IDH3A: variants seen among roughly 807,000 people sequenced by gnomAD.
IDH3A encodes the protein isocitrate dehydrogenase (NAD(+)) 3 catalytic subunit alpha.
In IDH3A, 23 loss-of-function variants were observed where a neutral mutation model predicts 43.3. The observed-to-expected ratio is 0.53, with a 90% CI of 0.38 to 0.75. The LOEUF (loss-of-function observed/expected upper bound fraction) is 0.75. Ranked by LOEUF, IDH3A falls within the 30% of genes least tolerant of loss-of-function variation. The pLI is 0.00. For synonymous variants in IDH3A, 154 were observed against 163.5 expected, an observed-to-expected ratio of 0.94 and a Z score of 0.44; for missense variants, 329 against 474.4, an observed-to-expected ratio of 0.69 and a Z score of 2.85.
At position 78,171,200 on chromosome 15, in the gene IDH3A, T is replaced by C. The variant is rs1034155964; in HGVS notation, c.*2195T>C. On this transcript the variant is annotated 3_prime_UTR_variant, in exon 11 of 11. Coordinates refer to ENST00000299518, the MANE Select transcript of IDH3A (RefSeq NM_005530.3). Reference sequence around the variant, plus strand: ...GTTCTGGAAGGAGAGCTGATCTCATTTGTCACCTGAACAAAAAGCAATACT... The same window carrying C: ...GTTCTGGAAGGAGAGCTGATCTCATCTGTCACCTGAACAAAAAGCAATACT... 15 of 361,076 alleles carry C rather than the reference T, an allele frequency of 4.2e-5. No homozygotes were observed. The highest frequency in any genetic ancestry group is 1.9e-4 in the African/African-American group (9 of 48,320). The allele number at this position is 361,076 out of a possible 1,614,324, so 22.4% of individuals were successfully genotyped here.
chr15:78,162,500 A>C (rs546528516), intron 6 of IDH3A, 133 bp downstream of exon 6: 1 of 911,584 alleles, frequency 1.1e-6, no homozygotes, highest in East Asian at 2.6e-5. Flanking sequence ...AACAATCCAA[A>C]GATACGGCAT....
chr15:78,151,439 G>C (rs1421602077), intron 1 of IDH3A: 4 of 152,192 alleles, frequency 2.6e-5, no homozygotes, highest in Non-Finnish European at 4.4e-5. Context: ...TGCTGGGCGT[G>C]GTGGCGCACG....
intron 3 of IDH3A, among the ~76,000 whole-genome samples, chr15:78,158,817 CTTTATTT>C (rs1567070066): frequency 6.6e-6 from 1 of 151,182 alleles, no homozygotes; most frequent in East Asian, 1.9e-4. Context: ...ATCATTCATC[CTTTATTT>C]TTTATTTTTA....
chr15:78,149,674 G>A (rs926483584), intron 1 of IDH3A, among the ~76,000 whole-genome samples: 1 of 152,132 alleles, frequency 6.6e-6, no homozygotes, highest in South Asian at 2.1e-4. Flanking sequence ...AGGTCAAGGC[G>A]GGGGGGCGCC....
rs1286839583 is a variant in IDH3A at position 78,161,405 on chromosome 15, CGCAGTTAATG to C, written c.290-175_290-166del. Among the ~76,000 whole-genome samples the C allele has an allele frequency of 6.6e-5, 10 of 152,200 alleles. No individual in the cohort carries two copies. Among genetic ancestry groups the C allele is most frequent in the Admixed American group, 5.9e-4 (9 of 15,282 alleles). ...CTCAGGAAGTTCTGAAGATAAGAAA[CGCAGTTAATG>C]TTCCAGAAAGCTCCCGTGAGGAAGT... On this transcript the variant is annotated intron_variant, in intron 4 of 10. Coordinates refer to ENST00000299518, the MANE Select transcript of IDH3A (RefSeq NM_005530.3). The surrounding 1 kb of genome is among the most constrained non-coding windows in gnomAD (Gnocchi z 4.8).
At chr15:78,162,113 A>T in intron 5 of IDH3A, 121 bp from the exon 6 acceptor site, 3 of 941,420 alleles carry the variant, frequency 3.2e-6, no homozygotes, top group Non-Finnish European at 3.3e-6. Context: ...GTGTGTGATT[A>T]GTCATGCTAG....
intron 9 of IDH3A, 66 bp downstream of exon 9, chr15:78,165,142 C>G: frequency 1.4e-5 from 13 of 952,410 alleles, no homozygotes; most frequent in Non-Finnish European, 2.1e-5. Flanking sequence ...GAGGAGTTAT[C>G]TGTATAAGTA....
chr15:78,159,251 A>G (rs2074657018), intron 3 of IDH3A, among the ~76,000 whole-genome samples: 1 of 152,120 alleles, frequency 6.6e-6, no homozygotes, highest in African/African-American at 2.4e-5. Flanking sequence ...AAGAAACCCC[A>G]TACCCTATGC....
chr15:78,169,991 C>A lies in IDH3A; in HGVS notation c.*986C>A, dbSNP rs557572186. The A allele has an allele frequency of 3.9e-5, 6 of 152,374 alleles. No homozygotes were observed. Among genetic ancestry groups the A allele is most frequent in the Middle Eastern group, 6.8e-3 (2 of 294 alleles). 9.4% of individuals were successfully genotyped at this position (152,374 alleles called of 1,614,324 possible). Reference sequence around the variant, plus strand: ...TATTAATTTTGTATTTCAGCAACTGCCCCTTCTCCTATCCCAAAGCACCAA... The same window carrying A: ...TATTAATTTTGTATTTCAGCAACTGACCCTTCTCCTATCCCAAAGCACCAA... On this transcript the variant is annotated 3_prime_UTR_variant, in exon 11 of 11. Coordinates refer to ENST00000299518, the MANE Select transcript of IDH3A (RefSeq NM_005530.3).
chr15:78,171,715 CTG>C lies in IDH3A; in HGVS notation c.*2714_*2715del. The stretch of plus-strand genomic sequence containing the variant: ...ATTCATATGGCTTGTGTGTAGTCTC[CTG>C]TGTTATACCACTGGTTGTGGCCAGT... On this transcript the variant is annotated 3_prime_UTR_variant, in exon 11 of 11. Coordinates refer to ENST00000299518, the MANE Select transcript of IDH3A (RefSeq NM_005530.3). 1.8e-6 allele frequency: 1 copy of C among 542,978 alleles called. No homozygotes were observed. Among genetic ancestry groups the C allele is most frequent in the Admixed American group, 3.1e-5 (1 of 32,456 alleles). The allele number at this position is 542,978 out of a possible 1,614,324, so 33.6% of individuals were successfully genotyped here.
Position 78,160,076 on chromosome 15 carries a change from G to A in IDH3A, c.175-16G>A, listed in dbSNP as rs1210507739. The A allele has an allele frequency of 2.7e-6, 4 of 1,466,934 alleles. No individual in the cohort carries two copies. In the South Asian group the frequency reaches 3.4e-5, roughly 12 times the overall value. 90.9% of individuals were successfully genotyped at this position (1,466,934 alleles called of 1,614,324 possible). On this transcript the variant is annotated splice_polypyrimidine_tract_variant and intron_variant, in intron 3 of 10. Transcript: ENST00000299518. The stretch of plus-strand genomic sequence containing the variant: ...AAGTCTCTCCAGCTCACTGTGCTCT[G>A]TGATGTGGCATCTAGGCACCTATTC...
chr15:78,169,352 G>C lies in IDH3A; in HGVS notation c.*347G>C, dbSNP rs1303979698. 6.0e-6 allele frequency: 1 copy of C among 166,914 alleles called. No homozygotes were observed. Among genetic ancestry groups the C allele is most frequent in the African/African-American group, 2.4e-5 (1 of 42,118 alleles). 10.3% of individuals were successfully genotyped at this position (166,914 alleles called of 1,614,324 possible). A position where few individuals can be genotyped will look rare whatever the true frequency, so the allele number is the denominator to read the frequency against. ...AAATAACAGGATACAGAATTAACAA[G>C]AGAAAATGTCTAACTTTTTAAGAAA... On this transcript the variant is annotated 3_prime_UTR_variant, in exon 11 of 11. Transcript: ENST00000299518.
chr15:78,171,360 C>G lies in IDH3A; in HGVS notation c.*2355C>G. On this transcript the variant is annotated 3_prime_UTR_variant, in exon 11 of 11. Coordinates refer to ENST00000299518, the MANE Select transcript of IDH3A (RefSeq NM_005530.3). ...AACAGACTTGGCAGAAATGCCTGTG[C>G]CCAGACTGAAGAGACCTGGGGCTCA... 1 of 1,171,764 alleles carries G rather than the reference C, an allele frequency of 8.5e-7. No individual in the cohort carries two copies. The highest frequency in any genetic ancestry group is 1.2e-6 in the Non-Finnish European group (1 of 803,876). The allele number at this position is 1,171,764 out of a possible 1,614,324, so 72.6% of individuals were successfully genotyped here. A position where few individuals can be genotyped will look rare whatever the true frequency, so the allele number is the denominator to read the frequency against.
chr15:78,151,377 A>T (rs2074573268), intron 1 of IDH3A: 1 of 152,176 alleles, frequency 6.6e-6, no homozygotes, highest in African/African-American at 2.4e-5. Context: ...GGAGTTCAAG[A>T]CCAGCCTGGC....
At chr15:78,166,514 A>T (rs1478292877) in intron 10 of IDH3A, 1 of 576,752 alleles carries the variant, frequency 1.7e-6, no homozygotes, top group African/African-American at 1.9e-5. Flanking sequence ...TTTCATCCAA[A>T]AAAAGTTAAG....
At chr15:78,155,368 C>A in intron 2 of IDH3A, 93 bp downstream of exon 2, 1 of 851,496 alleles carries the variant, frequency 1.2e-6, no homozygotes, top group Non-Finnish European at 1.8e-6. Flanking sequence ...TATCTCCATT[C>A]ATTTAGAATT....
rs529223207 is a variant in IDH3A, at chr15:78,149,367, C to G, written c.-37C>G. On this transcript the variant is annotated 5_prime_UTR_variant, in exon 1 of 11. Transcript: ENST00000299518. ...CGTGGGGTGGGCGCTTGCGCACTGC[C>G]GCTGCGGCTGTTGCTGCGGAGCCAG... 37 of 1,521,566 alleles carry G rather than the reference C, an allele frequency of 2.4e-5. No homozygotes were observed. In the African/African-American group the frequency reaches 5.0e-4, roughly 21 times the overall value. 94.3% of individuals were successfully genotyped at this position (1,521,566 alleles called of 1,614,324 possible).
intron 3 of IDH3A, among the ~76,000 whole-genome samples, chr15:78,158,483 T>C (rs1267394109): frequency 1.1e-5 from 1 of 88,606 alleles, no homozygotes; most frequent in Non-Finnish European, 2.6e-5. Flanking sequence ...TTTTTTTTTT[T>C]TTTTTTTTTT....
Position 78,165,014 on chromosome 15 carries a change from G to C in IDH3A, c.802G>C (p.Gly268Arg). Residue 268 changes from glycine (G) to arginine (R), a missense_variant, in exon 9 of 11, where the codon GGA (glycine) becomes CGA (arginine). This residue lies in a region of IDH3A where 212 missense variants were observed against 345.5 expected (regional missense o/e 0.61). Coordinates refer to ENST00000299518, the MANE Select transcript of IDH3A (RefSeq NM_005530.3). ...TAGTGACTTGTGTGCAGGATTGATC[G>C]GAGGTCTCGGTGTGACACCAAGTGG... Reference protein sequence around the residue: ...ILSDLCAGLIGGLGVTPSGNI... With the variant: ...ILSDLCAGLIRGLGVTPSGNI... 1 of 1,613,740 alleles carries C rather than the reference G, an allele frequency of 6.2e-7. No individual in the cohort carries two copies. Among genetic ancestry groups the C allele is most frequent in the East Asian group, 2.2e-5 (1 of 44,876 alleles).
Sources: gnomAD v4.1 joint callset for allele counts (sites outside exome capture counted in the v4.1 genomes callset) on GRCh38, gnomAD v4.1.1 for gene constraint, gnomAD v4.1.1 regional missense constraint, Gnocchi (gnomAD v3.1) non-coding constraint, MANE v1.5 for transcripts, NCBI Gene and HGNC (gene_info 2026-07-23, HGNC 2026-07-21) for gene names.